Variants in INVS observed in about 807,000 individuals in gnomAD.
INVS encodes the protein inversion of embryo turning homolog.
A neutral mutation model predicts 108.8 loss-of-function variants in INVS; 86 were observed. The observed-to-expected ratio is 0.79, with a 90% CI of 0.66 to 0.95. The LOEUF is 0.95. INVS is among the 40% of genes least tolerant of loss of function. INVS has a pLI of 0.00. For synonymous variants in INVS, 455 were observed against 473.5 expected, an observed-to-expected ratio of 0.96 and a Z score of 0.51; for missense variants, 1,169 against 1,297.4, an observed-to-expected ratio of 0.90 and a Z score of 1.52.
chr9:100,295,162 CCCTA>C (rs1833752167), intron 14 of INVS, among the ~76,000 whole-genome samples: 1 of 152,174 alleles, frequency 6.6e-6, no homozygotes, highest in African/African-American at 2.4e-5. Context: ...CACAGCTGCT[CCCTA>C]CCTGAAATGT....
At chr9:100,112,646 C>G (rs1236699811) in intron 2 of INVS, among the ~76,000 whole-genome samples, 1 of 149,050 alleles carries the variant, frequency 6.7e-6, no homozygotes, top group Non-Finnish European at 1.5e-5. Context: ...TACACTAACA[C>G]TAACAATAGC....
At chr9:100,248,505 C>A (rs1288278921) in intron 8 of INVS, among the ~76,000 whole-genome samples, 1 of 151,314 alleles carries the variant, frequency 6.6e-6, no homozygotes, top group Non-Finnish European at 1.5e-5. Context: ...AAAAAGAGGT[C>A]TTACCAATAG....
chr9:100,155,425 C>T (rs529463002), intron 3 of INVS, among the ~76,000 whole-genome samples: 1 of 152,274 alleles, frequency 6.6e-6, no homozygotes, highest in South Asian at 2.1e-4. Context: ...CATCCTCCAC[C>T]TCCCAGGATC....
chr9:100,178,659 G>A (rs557914704), intron 3 of INVS, among the ~76,000 whole-genome samples: 4 of 152,306 alleles, frequency 2.6e-5, no homozygotes, highest in East Asian at 1.9e-4. Context: ...CCAAATCTAT[G>A]TTTGATTGGT....
intron 3 of INVS, among the ~76,000 whole-genome samples, chr9:100,210,446 A>G (rs951971956): frequency 7.9e-5 from 12 of 152,226 alleles, no homozygotes; most frequent in Non-Finnish European, 2.9e-5. Context: ...AATTGGGAGC[A>G]GGAACAAGAT....
rs182677401 is a variant in INVS, at chr9:100,256,363, C to A, written c.1464+3227C>A. ...AGTTTTGTTGATCTTTTAAAAAAAACCAGCTCCTGGATTCATTGATTTTTT... is the reference window on the plus strand; with the variant it reads ...AGTTTTGTTGATCTTTTAAAAAAAAACAGCTCCTGGATTCATTGATTTTTT... On this transcript the variant is annotated intron_variant, in intron 10 of 16. Transcript: ENST00000262457. 5.2e-3 allele frequency among the ~76,000 whole-genome samples: 790 copies of A among 152,134 alleles called. 4 individuals are homozygous for A. The highest frequency in any genetic ancestry group is 0.018 in the African/African-American group (754 of 41,488).
intron 3 of INVS, among the ~76,000 whole-genome samples, chr9:100,222,492 C>T (rs1588100029): frequency 6.6e-6 from 1 of 152,130 alleles, no homozygotes; most frequent in South Asian, 2.1e-4. Flanking sequence ...CATAACAAGG[C>T]TCAATGAATA....
Position 100,272,996 on chromosome 9 carries a change from G to C in INVS, c.1704G>C (p.Gly568=), listed in dbSNP as rs114645869. 16 of 1,613,920 alleles carry C rather than the reference G, an allele frequency of 9.9e-6. No homozygotes were observed. In the South Asian group the frequency reaches 1.8e-4, roughly 18 times the overall value. ...AAFKIQAVYK[G]YKVRKAFRDR... ...TCAAAATCCAAGCTGTCTACAAAGGGTACAAGGTCAGAAAAGCCTTCCGAG... is the reference window on the plus strand; with the variant it reads ...TCAAAATCCAAGCTGTCTACAAAGGCTACAAGGTCAGAAAAGCCTTCCGAG... Residue 568 remains glycine (G), a synonymous_variant, in exon 12 of 17, where the codon GGG becomes GGC. Transcript: ENST00000262457.
At position 100,253,072 on chromosome 9, in the gene INVS, G is replaced by A; in HGVS notation, c.1400G>A (p.Gly467Asp). Residue 467 changes from glycine (G) to aspartate (D), a missense_variant, in exon 10 of 17, where the codon GGC becomes GAC. This residue lies in a region of INVS where 271 missense variants were observed against 363.8 expected (regional missense o/e 0.74). Transcript: ENST00000262457. Reference sequence around the variant, plus strand: ...CCTTTGCAGTGTGCAGCATATGGAGGCTATATCAACTGCATGGCAGTTCTC... The same window carrying A: ...CCTTTGCAGTGTGCAGCATATGGAGACTATATCAACTGCATGGCAGTTCTC... The part of the protein sequence containing the change: ...RTPLQCAAYG[G>D]YINCMAVLME... The A allele has an allele frequency of 6.2e-7, 1 of 1,613,932 alleles. No homozygotes were observed. The highest frequency in any genetic ancestry group is 2.2e-5 in the East Asian group (1 of 44,870).
intron 10 of INVS, among the ~76,000 whole-genome samples, chr9:100,254,166 G>T (rs1474399657): frequency 6.6e-6 from 1 of 152,190 alleles, no homozygotes; most frequent in African/African-American, 2.4e-5. Context: ...CTGATGGCCA[G>T]TGATGATGAG....
intron 3 of INVS, among the ~76,000 whole-genome samples, chr9:100,200,465 A>T (rs1481016760): frequency 6.6e-6 from 1 of 152,102 alleles, no homozygotes; most frequent in Non-Finnish European, 1.5e-5. Flanking sequence ...AAGCTGACTA[A>T]TTACACTGAA....
intron 3 of INVS, chr9:100,175,766 G>C: frequency 3.2e-6 from 2 of 634,540 alleles, no homozygotes; most frequent in Non-Finnish European, 6.0e-6. Flanking sequence ...GGGGCAACCA[G>C]ACCTGGAACA....
chr9:100,109,965 C>T (rs182575304), intron 2 of INVS, among the ~76,000 whole-genome samples: 1 of 152,240 alleles, frequency 6.6e-6, no homozygotes, highest in African/African-American at 2.4e-5. Context: ...CTGCGCCCGG[C>T]CTCTACTTGT....
intron 3 of INVS, among the ~76,000 whole-genome samples, chr9:100,219,370 G>T (rs1025952132): frequency 6.6e-6 from 1 of 152,194 alleles, no homozygotes; most frequent in Admixed American, 6.5e-5. Context: ...TACTTGAGAG[G>T]CTGAGGTGGT....
At chr9:100,212,246 A>G (rs1230798645) in intron 3 of INVS, among the ~76,000 whole-genome samples, 1 of 152,202 alleles carries the variant, frequency 6.6e-6, no homozygotes, top group Admixed American at 6.5e-5. Flanking sequence ...TACATTTTAT[A>G]TGGCACTGGT....
chr9:100,113,357 T>C (rs1298136844), intron 2 of INVS, among the ~76,000 whole-genome samples: 1 of 152,250 alleles, frequency 6.6e-6, no homozygotes. Flanking sequence ...ACACACAACC[T>C]GAATACATCT....
intron 3 of INVS, among the ~76,000 whole-genome samples, chr9:100,131,559 C>T (rs2118913062): frequency 6.6e-6 from 1 of 152,232 alleles, no homozygotes; most frequent in Middle Eastern, 3.4e-3. Context: ...CTGGGCTTCT[C>T]ACAAAAGATA....
Position 100,240,158 on chromosome 9 carries a change from T to C in INVS, c.714T>C (p.Asp238=). 1.2e-6 allele frequency: 2 copies of C among 1,613,978 alleles called. No homozygotes were observed. Among genetic ancestry groups the C allele is most frequent in the Non-Finnish European group, 1.7e-6 (2 of 1,179,826 alleles). Residue 238 remains aspartate, a synonymous_variant, in exon 6 of 17, where the codon GAT becomes GAC. Transcript: ENST00000262457. ...CTGATGGGAATGTGACCGTGGTTGA[T>C]GTCTTGACCTCATATGAAAGCTGCA... The part of the protein sequence containing the change: ...AVADGNVTVV[D]VLTSYESCNI...
chr9:100,135,731 G>A (rs1373300691), intron 3 of INVS, among the ~76,000 whole-genome samples: 2 of 152,020 alleles, frequency 1.3e-5, no homozygotes, highest in African/African-American at 2.4e-5. Context: ...TTTAGGCTTC[G>A]GTGATAATGA....
Sources: gnomAD v4.1 joint callset for allele counts (sites outside exome capture counted in the v4.1 genomes callset) on GRCh38, gnomAD v4.1.1 for gene constraint, gnomAD v4.1.1 regional missense constraint, MANE v1.5 for transcripts, NCBI Gene and HGNC (gene_info 2026-07-23, HGNC 2026-07-21) for gene names.